The following UVSSA variants were observed in gnomAD, a reference collection of about 807,000 sequenced individuals.
UVSSA encodes UV stimulated scaffold protein A, also known as UV-stimulated scaffold protein A.
A neutral mutation model predicts 73.9 loss-of-function variants in UVSSA; 72 were observed. The ratio of observed to expected loss-of-function variants is 0.97; its 90% CI spans 0.81 to 1.19. The LOEUF (loss-of-function observed/expected upper bound fraction) is 1.19, where lower values mean the gene tolerates loss of function less well. UVSSA is among the 50% of genes most tolerant of loss of function. The pLI, the probability that UVSSA is intolerant of heterozygous loss-of-function variation, is 0.00. For synonymous variants in UVSSA, 454 were observed against 391.3 expected (o/e 1.16, Z -1.89); for missense variants, 1,150 against 965.0 (o/e 1.19, Z -2.54).
chr4:1,351,366 C>T (rs1714706996), intron 3 of UVSSA, among the ~76,000 whole-genome samples: 1 of 147,948 alleles, frequency 6.8e-6, no homozygotes, highest in Non-Finnish European at 1.5e-5. Flanking sequence ...GCTGGGCCAG[C>T]CCTAGTCTTT....
chr4:1,384,225 A>G (rs1173274693), intron 13 of UVSSA: 7 of 463,996 alleles, frequency 1.5e-5, no homozygotes, highest in African/African-American at 3.9e-5. Context: ...GAGCCATGCC[A>G]GGACACAGGC....
chr4:1,352,950 G>GGCCTCTGA, intron 4 of UVSSA, 80 bp from the exon 5 acceptor site: 1 of 1,524,974 alleles, frequency 6.6e-7, no homozygotes, highest in Non-Finnish European at 8.8e-7. Context: ...GCGGGGAGTG[G>GGCCTCTGA]GCCTCTGAGT....
upstream of UVSSA, among the ~76,000 whole-genome samples, chr4:1,346,531 C>A (rs1713703473): frequency 6.6e-6 from 1 of 152,212 alleles, no homozygotes; most frequent in African/African-American, 2.4e-5. Context: ...CCAGGGCCAG[C>A]CCGGGCCCAG....
chr4:1,369,575 A>G (rs1717769010), intron 8 of UVSSA, among the ~76,000 whole-genome samples: 1 of 152,174 alleles, frequency 6.6e-6, no homozygotes, highest in Admixed American at 6.5e-5. Context: ...AGGGGCCTTT[A>G]TCTTCCCCTT....
chr4:1,384,027 C>T, intron 13 of UVSSA, 87 bp downstream of exon 13: 1 of 1,443,500 alleles, frequency 6.9e-7, no homozygotes, highest in Non-Finnish European at 9.2e-7. Context: ...CCAAGATATT[C>T]CAGGGACTTG....
exon 14 of UVSSA, chr4:1,394,397 G>T: frequency 6.6e-7 from 1 of 1,508,546 alleles, no homozygotes. Flanking sequence ...TACTTTTATG[G>T]GTTTCATTTT....
At chr4:1,343,617 T>C (rs997546807), upstream of UVSSA, among the ~76,000 whole-genome samples, 2 of 152,048 alleles carry the variant, frequency 1.3e-5, no homozygotes, top group Admixed American at 1.3e-4. Context: ...TGAAACCCTG[T>C]CTCCACTAAA....
In UVSSA at chr4:1,385,950, G is replaced by A. The variant is rs560409062; in HGVS notation, c.2119G>A (p.Ala707Thr). 6 of 1,614,004 alleles carry A rather than the reference G, an allele frequency of 3.7e-6. No homozygotes were observed. Among genetic ancestry groups the A allele is most frequent in the Non-Finnish European group, 5.1e-6 (6 of 1,180,016 alleles). ...GAAGTTTTCAAACCAGTTTAACTAC[G>A]CACTGAACTAGAGAGCGGGGCCCAG... is the stretch of plus-strand genomic sequence containing the variant. ...HEKFSNQFNY[A>T]LN is the part of the protein sequence containing the mutation. Residue 707 changes from alanine (A) to threonine (T), a missense_variant, in exon 14 of 14, where the codon GCA becomes ACA. Transcript: ENST00000389851.
At chr4:1,378,040 C>G (rs778789287) in intron 10 of UVSSA, among the ~76,000 whole-genome samples, 2 of 152,250 alleles carry the variant, frequency 1.3e-5, no homozygotes, top group Non-Finnish European at 2.9e-5. Context: ...AGGGGCTGCT[C>G]ACCCCACATT....
intron 2 of UVSSA, 32 bp from the exon 3 acceptor site, chr4:1,349,492 G>A (rs754857487): frequency 6.9e-6 from 11 of 1,599,138 alleles, no homozygotes; most frequent in Non-Finnish European, 9.4e-6. Flanking sequence ...CTGCGTGTGG[G>A]GCAGTTGGGT....
intron 3 of UVSSA, among the ~76,000 whole-genome samples, chr4:1,350,665 C>A (rs142941406): frequency 6.6e-6 from 1 of 152,056 alleles, no homozygotes; most frequent in Admixed American, 6.6e-5. Flanking sequence ...TGTGAGGGTG[C>A]ACACCCACAG....
chr4:1,352,536 G>A (rs901861485), intron 4 of UVSSA, among the ~76,000 whole-genome samples: 1 of 152,234 alleles, frequency 6.6e-6, no homozygotes, highest in Non-Finnish European at 1.5e-5. Context: ...AGGTGCAGCC[G>A]TGTCCTGGGA....
At chr4:1,352,058 G>A (rs946882415) in intron 4 of UVSSA, among the ~76,000 whole-genome samples, 2 of 152,260 alleles carry the variant, frequency 1.3e-5, no homozygotes, top group Non-Finnish European at 2.9e-5. Flanking sequence ...ATCCACGCCC[G>A]TTCGCTGCGC....
intron 4 of UVSSA, 62 bp downstream of exon 4, chr4:1,351,897 T>A: frequency 2.5e-6 from 4 of 1,592,460 alleles, no homozygotes; most frequent in Non-Finnish European, 3.4e-6. Context: ...GTCCAGCAGT[T>A]CATCCTCCTG....
upstream of UVSSA, among the ~76,000 whole-genome samples, chr4:1,345,361 TGGCCCAGGCAC>T (rs1713585109): frequency 6.8e-6 from 1 of 147,376 alleles, no homozygotes; most frequent in East Asian, 1.9e-4. Flanking sequence ...CCAGGCACGG[TGGCCCAGGCAC>T]GGTGGCTCAC....
In UVSSA at chr4:1,387,788, C is replaced by A. The variant is rs1262858215; in HGVS notation, c.*1827C>A. 6.6e-6 allele frequency: 1 copy of A among 152,206 alleles called. No homozygotes were observed. The highest frequency in any genetic ancestry group is 2.4e-5 in the African/African-American group (1 of 41,450). The allele number at this position is 152,206 out of a possible 1,614,324, so 9.4% of individuals were successfully genotyped here. A position where few individuals can be genotyped will look rare whatever the true frequency, so the allele number is the denominator to read the frequency against. On this transcript the variant is annotated 3_prime_UTR_variant, in exon 14 of 14. Coordinates refer to ENST00000389851, the MANE Select transcript of UVSSA (RefSeq NM_020894.4). ...TTATTTCTGGGCACTTGACTCTATTCCATTGACCTGTTTAACCTTATGCCA... is the reference window on the plus strand; with the variant it reads ...TTATTTCTGGGCACTTGACTCTATTACATTGACCTGTTTAACCTTATGCCA...
upstream of UVSSA, among the ~76,000 whole-genome samples, chr4:1,345,155 G>A (rs1378836662): frequency 4.6e-5 from 7 of 152,182 alleles, no homozygotes; most frequent in African/African-American, 1.7e-4. Context: ...AAGACAAGGT[G>A]ACGGCAGTGA....
Position 1,380,879 on chromosome 4 carries a change from G to C in UVSSA, c.1753-1G>C, listed in dbSNP as rs1289590861. ...TCAGCCACCGTGTCCTCGCTGTGCA[G>C]TGCCCTTTCCATGGGAAGATTGTTC... On this transcript the variant is annotated splice_acceptor_variant, in intron 11 of 13. Transcript: ENST00000389851. LOFTEE classifies it high-confidence loss of function. 1 of 1,612,686 alleles carries C rather than the reference G, an allele frequency of 6.2e-7. No individual in the cohort carries two copies. Among genetic ancestry groups the C allele is most frequent in the South Asian group, 1.1e-5 (1 of 91,012 alleles).
chr4:1,356,124 C>T (rs913848708), intron 7 of UVSSA, among the ~76,000 whole-genome samples: 1 of 152,182 alleles, frequency 6.6e-6, no homozygotes, highest in African/African-American at 2.4e-5. Context: ...AACCCCAACA[C>T]CCCTGAGCTC....
Sources: allele counts gnomAD v4.1 joint callset (sites outside exome capture counted in the v4.1 genomes callset), GRCh38; gene constraint gnomAD v4.1.1; transcripts MANE v1.5; gene names NCBI Gene and HGNC (gene_info 2026-07-23, HGNC 2026-07-21).